The following MAPKBP1 variants were observed in gnomAD, a reference collection of about 807,000 sequenced individuals.
MAPKBP1 encodes mitogen-activated protein kinase binding protein 1, also known as mitogen-activated protein kinase-binding protein 1.
Under a neutral mutation model 170.5 loss-of-function variants are expected in MAPKBP1, and 71 were observed. The observed-to-expected ratio is 0.42, with a 90% CI of 0.34 to 0.51. The LOEUF is 0.51. Ranked by LOEUF, MAPKBP1 falls within the 20% of genes least tolerant of loss-of-function variation. The pLI is 0.06. For missense variants in MAPKBP1, 1,598 were observed against 1,933.0 expected (o/e 0.83, Z 3.25); for synonymous variants, 719 against 757.9 (o/e 0.95, Z 0.84).
rs192229703 is a variant in MAPKBP1, at chr15:41,779,618, T to C, written c.114+4229T>C. Among the ~76,000 whole-genome samples, 4 of 152,350 alleles carry C rather than the reference T, an allele frequency of 2.6e-5. No homozygotes were observed. The East Asian group carries it at 7.7e-4, about 29-fold the overall frequency. On this transcript the variant is annotated intron_variant, in intron 2 of 30. Transcript: ENST00000457542. Reference sequence around the variant, plus strand: ...CCACAGCCTCCCAAAGTGCTGGGATTACAGGCATGAGCCACCATGCCCAGC... The same window carrying C: ...CCACAGCCTCCCAAAGTGCTGGGATCACAGGCATGAGCCACCATGCCCAGC...
At chr15:41,795,383 G>A (rs2064470603) in intron 2 of MAPKBP1, among the ~76,000 whole-genome samples, 1 of 151,946 alleles carries the variant, frequency 6.6e-6, no homozygotes, top group South Asian at 2.1e-4. Context: ...GGCTTAAGGT[G>A]CTTAAAGTTG....
Position 41,814,652 on chromosome 15 carries a change from C to T in MAPKBP1, c.1083C>T (p.Ser361=), listed in dbSNP as rs757768628. Residue 361 remains serine, a synonymous_variant, in exon 10 of 31, where the codon AGC becomes AGT. Coordinates refer to ENST00000457542, the MANE Select transcript of MAPKBP1 (RefSeq NM_014994.3). The stretch of plus-strand genomic sequence containing the variant: ...TGTCTTGTGTGTACAACGATCATAG[C>T]ATTTATGTTTGGGATGTGAGGGACC... ...QWLSCVYNDH[S]IYVWDVRDPK... is the part of the protein sequence containing the mutation. The T allele has an allele frequency of 8.1e-6, 13 of 1,614,028 alleles. No homozygotes were observed. The highest frequency in any genetic ancestry group is 1.1e-5 in the Non-Finnish European group (13 of 1,180,030).
In MAPKBP1 at chr15:41,822,126, G is replaced by A. The variant is rs199862578; in HGVS notation, c.3031+16G>A. 1 of 1,597,082 alleles carries A rather than the reference G, an allele frequency of 6.3e-7. No homozygotes were observed. Among genetic ancestry groups the A allele is most frequent in the Non-Finnish European group, 8.5e-7 (1 of 1,171,488 alleles). ...CCCACTGAAGGTGAGGCTGTAGCCT[G>A]GAGGGAGGGGCCATGGGGGGTGGGG... On this transcript the variant is annotated intron_variant, in intron 25 of 30. Transcript: ENST00000457542.
chr15:41,798,703 C>T (rs2064539738), intron 2 of MAPKBP1, among the ~76,000 whole-genome samples: 1 of 152,140 alleles, frequency 6.6e-6, no homozygotes, highest in Non-Finnish European at 1.5e-5. Flanking sequence ...AAGAATAGAC[C>T]GCCCTGCCAC....
At chr15:41,815,536 C>T in intron 11 of MAPKBP1, 88 bp from the exon 12 acceptor site, 1 of 1,552,288 alleles carries the variant, frequency 6.4e-7, no homozygotes. Flanking sequence ...CTCTGTGGTC[C>T]AAGGGTTTGT....
In MAPKBP1 at chr15:41,814,757, C is replaced by T. The variant is rs372924326; in HGVS notation, c.1170+18C>T. ...GTGTGGAGGTATGTGGGCTGGCTGG[C>T]TGGCTGGAGACTGGCCAGGTTGGCT... On this transcript the variant is annotated intron_variant, in intron 10 of 30. Coordinates refer to ENST00000457542, the MANE Select transcript of MAPKBP1 (RefSeq NM_014994.3). 7.1e-5 allele frequency: 115 copies of T among 1,612,296 alleles called. No homozygotes were observed. In the African/African-American group the frequency reaches 1.3e-3, roughly 18 times the overall value.
rs1404404470 is a variant in MAPKBP1, at chr15:41,817,880, G to A, written c.1905-129G>A. ...CAGTACTTTGCTTCACCCAAGAGGT[G>A]GTAGCCTGTTTGCTGCTGGGGGTAG... On this transcript the variant is annotated intron_variant, in intron 16 of 30. Coordinates refer to ENST00000457542, the MANE Select transcript of MAPKBP1 (RefSeq NM_014994.3). The surrounding 1 kb of genome is among the most constrained non-coding windows in gnomAD (Gnocchi z 4.2). 1 of 1,531,574 alleles carries A rather than the reference G, an allele frequency of 6.5e-7. No individual in the cohort carries two copies. The highest frequency in any genetic ancestry group is 9.0e-7 in the Non-Finnish European group (1 of 1,113,392). The allele number at this position is 1,531,574 out of a possible 1,614,324, so 94.9% of individuals were successfully genotyped here. A position where few individuals can be genotyped will look rare whatever the true frequency, so the allele number is the denominator to read the frequency against.
intron 2 of MAPKBP1, among the ~76,000 whole-genome samples, chr15:41,782,072 C>A (rs1469814267): frequency 1.2e-4 from 17 of 144,056 alleles, no homozygotes; most frequent in Non-Finnish European, 2.4e-4. Context: ...CACGGTGAAA[C>A]CCTGTCTCTA....
intron 12 of MAPKBP1, chr15:41,816,326 A>C: frequency 1.8e-6 from 1 of 555,500 alleles, no homozygotes; most frequent in Non-Finnish European, 3.2e-6. Context: ...TAATAGTATT[A>C]TACCAACATA....
At chr15:41,777,816 G>C (rs2064122982) in intron 2 of MAPKBP1, among the ~76,000 whole-genome samples, 1 of 152,218 alleles carries the variant, frequency 6.6e-6, no homozygotes, top group African/African-American at 2.4e-5. Context: ...TTCATGGATA[G>C]CTAATTCTCA....
At position 41,826,563 on chromosome 15, in the gene MAPKBP1, A is replaced by G. The variant is rs1208491845; in HGVS notation, c.*1127A>G. The G allele has an allele frequency of 1.3e-5, 2 of 151,900 alleles. No homozygotes were observed. Among genetic ancestry groups the G allele is most frequent in the East Asian group, 3.9e-4 (2 of 5,176 alleles). The allele number at this position is 151,900 out of a possible 1,614,324, so 9.4% of individuals were successfully genotyped here. On this transcript the variant is annotated 3_prime_UTR_variant, in exon 31 of 31. Coordinates refer to ENST00000457542, the MANE Select transcript of MAPKBP1 (RefSeq NM_014994.3). ...AAAAGGGGTGCAGTACACTAAGTGAACCCAGATTCTGGATTCTTGGTGTCC... is the reference window on the plus strand; with the variant it reads ...AAAAGGGGTGCAGTACACTAAGTGAGCCCAGATTCTGGATTCTTGGTGTCC...
In MAPKBP1 at chr15:41,788,251, C is replaced by T. The variant is rs530587550; in HGVS notation, c.115-11572C>T. On this transcript the variant is annotated intron_variant, in intron 2 of 30. Coordinates refer to ENST00000457542, the MANE Select transcript of MAPKBP1 (RefSeq NM_014994.3). ...GATTACAGGGGTCAGCCACCGCACC[C>T]GGCCATGATTTTAAGTTTTTTAAAA... Among the ~76,000 whole-genome samples, 360 of 152,226 alleles carry T rather than the reference C, an allele frequency of 2.4e-3. 1 individual carries two copies. The highest frequency in any genetic ancestry group is 3.7e-3 in the Non-Finnish European group (255 of 68,006).
chr15:41,779,955 C>T (rs987028645), intron 2 of MAPKBP1, among the ~76,000 whole-genome samples: 2 of 152,210 alleles, frequency 1.3e-5, no homozygotes, highest in Non-Finnish European at 2.9e-5. Context: ...ACCATTTCAT[C>T]CCTCCTTCCG....
Position 41,822,105 on chromosome 15 carries a change from C to T in MAPKBP1, c.3026C>T (p.Thr1009Ile). The change falls in exon 25 of 31, where the codon ACT (threonine) becomes ATT (isoleucine). Residue 1009 changes from threonine to isoleucine, a missense_variant. Thr to Ile is a moderately conservative substitution (Grantham distance 89). This residue lies in a region of MAPKBP1 where 942 missense variants were observed against 953.2 expected (regional missense o/e 0.99). Coordinates refer to ENST00000457542, the MANE Select transcript of MAPKBP1 (RefSeq NM_014994.3). Reference protein sequence around the residue: ...SSCLSSPEHPTEDSESTEPLS... With the variant: ...SSCLSSPEHPIEDSESTEPLS... Reference sequence around the variant, plus strand: ...TGCCTTTCCAGCCCGGAGCACCCCACTGAAGGTGAGGCTGTAGCCTGGAGG... The same window carrying T: ...TGCCTTTCCAGCCCGGAGCACCCCATTGAAGGTGAGGCTGTAGCCTGGAGG... 6.4e-7 allele frequency: 1 copy of T among 1,574,314 alleles called. No individual in the cohort carries two copies. The highest frequency in any genetic ancestry group is 8.6e-7 in the Non-Finnish European group (1 of 1,157,434).
chr15:41,813,433 G>C, intron 8 of MAPKBP1, 188 bp from the exon 9 acceptor site: 1 of 1,465,546 alleles, frequency 6.8e-7, no homozygotes, highest in Non-Finnish European at 9.5e-7. Context: ...CTGGTGCCTA[G>C]AAGAATCCTC....
At chr15:41,824,185 C>A in intron 29 of MAPKBP1, 124 bp downstream of exon 29, 1 of 1,345,576 alleles carries the variant, frequency 7.4e-7, no homozygotes, top group Non-Finnish European at 1.0e-6. Flanking sequence ...CCTGTCTGCT[C>A]CTGTCGCAGG....
rs779691332 is a variant in MAPKBP1 at position 41,813,391 on chromosome 15, T to C, written c.820-230T>C. ...TTCCTCTCTTTCTCATGCTATTTCT[T>C]TCTCTTCACTGGGCTTTTCCTACTG... On this transcript the variant is annotated intron_variant, in intron 8 of 30. Coordinates refer to ENST00000457542, the MANE Select transcript of MAPKBP1 (RefSeq NM_014994.3). 3 of 1,518,764 alleles carry C rather than the reference T, an allele frequency of 2.0e-6. No homozygotes were observed. The East Asian group carries it at 6.8e-5, about 34-fold the overall frequency. The allele number at this position is 1,518,764 out of a possible 1,614,324, so 94.1% of individuals were successfully genotyped here.
chr15:41,781,066 CT>C (rs5812203), intron 2 of MAPKBP1, among the ~76,000 whole-genome samples: 108,229 of 144,390 alleles, frequency 0.75, 41,355 homozygotes, highest in East Asian at 0.88. Context: ...TTTTTTTTTG[CT>C]TTTTTTTTTT....
chr15:41,827,748 C>T lies in MAPKBP1; in HGVS notation c.*2312C>T, dbSNP rs982369097. ...TATAACTTTTATACTTTGTGCAGGTCGCGGCGCTTCCTGCCTCATCCTCGG... is the reference window on the plus strand; with the variant it reads ...TATAACTTTTATACTTTGTGCAGGTTGCGGCGCTTCCTGCCTCATCCTCGG... On this transcript the variant is annotated 3_prime_UTR_variant, in exon 31 of 31. Transcript: ENST00000457542. 1.8e-4 allele frequency: 36 copies of T among 200,264 alleles called. No homozygotes were observed. The highest frequency in any genetic ancestry group is 1.2e-4 in the Admixed American group (2 of 16,598). 12.4% of individuals were successfully genotyped at this position (200,264 alleles called of 1,614,324 possible). A position where few individuals can be genotyped will look rare whatever the true frequency, so the allele number is the denominator to read the frequency against.
Sources: allele counts gnomAD v4.1 joint callset (sites outside exome capture counted in the v4.1 genomes callset), GRCh38; gene constraint gnomAD v4.1.1; regional missense constraint gnomAD v4.1.1; non-coding constraint Gnocchi (gnomAD v3.1); transcripts MANE v1.5; gene names NCBI Gene and HGNC (gene_info 2026-07-23, HGNC 2026-07-21).